The following STAG1 variants were observed in gnomAD, a reference collection of about 807,000 sequenced individuals.
The protein encoded by STAG1 is cohesin subunit SA-1.
Under a neutral mutation model 170.9 loss-of-function variants are expected in STAG1, and 26 were observed. The ratio of observed to expected loss-of-function variants is 0.15; its 90% CI spans 0.11 to 0.21. STAG1 has a LOEUF of 0.21. STAG1 is among the 10% of genes least tolerant of loss of function. STAG1 has a pLI of 1.00. For missense variants in STAG1, 964 were observed against 1,509.5 expected (o/e 0.64, Z 5.99); for synonymous variants, 514 against 497.7 (o/e 1.03, Z -0.44).
At chr3:136,455,437 G>T (rs2089081711) in intron 13 of STAG1, among the ~76,000 whole-genome samples, 1 of 152,168 alleles carries the variant, frequency 6.6e-6, no homozygotes, top group Admixed American at 6.5e-5. Flanking sequence ...CTGGTAAGAG[G>T]GAATTAGAAG....
intron 3 of STAG1, among the ~76,000 whole-genome samples, chr3:136,613,069 G>A (rs979334566): frequency 1.3e-5 from 2 of 152,042 alleles, no homozygotes; most frequent in Admixed American, 1.3e-4. Context: ...TTGGGAGGCC[G>A]AGGTGGGCGG....
intron 3 of STAG1, among the ~76,000 whole-genome samples, chr3:136,620,291 A>C (rs1483730358): frequency 4.6e-5 from 7 of 152,152 alleles, no homozygotes; most frequent in Non-Finnish European, 1.0e-4. Context: ...ATCAGTTAAA[A>C]CTTGATTTAT....
intron 1 of STAG1, among the ~76,000 whole-genome samples, chr3:136,698,228 T>A (rs1418220795): frequency 6.6e-6 from 1 of 152,000 alleles, no homozygotes; most frequent in African/African-American, 2.4e-5. Flanking sequence ...ACCTACAGAA[T>A]GGGAGAAAAT....
At chr3:136,434,718 C>T (rs192264647) in intron 15 of STAG1, among the ~76,000 whole-genome samples, 69 of 152,266 alleles carry the variant, frequency 4.5e-4, no homozygotes, top group Non-Finnish European at 1.0e-4. Context: ...GTATTGCCTT[C>T]AAAGATCTCT....
chr3:136,341,161 C>G (rs553513596), intron 31 of STAG1, among the ~76,000 whole-genome samples: 14 of 152,288 alleles, frequency 9.2e-5, no homozygotes, highest in South Asian at 8.3e-4. Context: ...CCGCCCGCCT[C>G]GGCCTCCCAA....
intron 1 of STAG1, among the ~76,000 whole-genome samples, chr3:136,644,848 G>T (rs965952341): frequency 2.0e-5 from 3 of 152,108 alleles, no homozygotes; most frequent in African/African-American, 7.2e-5. Context: ...AGCCTCCCCA[G>T]TAGCTGGGAC....
intron 3 of STAG1, among the ~76,000 whole-genome samples, chr3:136,619,021 G>A (rs556929620): frequency 8.0e-4 from 121 of 152,138 alleles, no homozygotes; most frequent in Non-Finnish European, 5.9e-5. Flanking sequence ...ATATTTACAT[G>A]TGTATATGTG....
chr3:136,405,226 A>G (rs2087443017), intron 21 of STAG1, among the ~76,000 whole-genome samples: 1 of 144,284 alleles, frequency 6.9e-6, no homozygotes, highest in African/African-American at 2.5e-5. Context: ...CACATGAAAA[A>G]ACCTCTTTTT....
At chr3:136,711,062 T>A (rs9809267) in intron 1 of STAG1, among the ~76,000 whole-genome samples, 34,016 of 149,158 alleles carry the variant, frequency 0.23, 4,233 homozygotes, top group Non-Finnish European at 0.28. Flanking sequence ...AAAAGAAAAA[T>A]ATATATATAT....
chr3:136,355,853 A>T (rs1476300259), intron 28 of STAG1, among the ~76,000 whole-genome samples: 1 of 152,230 alleles, frequency 6.6e-6, no homozygotes, highest in Admixed American at 6.5e-5. Flanking sequence ...AAATAAGTGA[A>T]ATGAGAAAAT....
Position 136,367,057 on chromosome 3 carries a change from A to G in STAG1, c.2571T>C (p.Asn857=). The change falls in exon 25 of 34, where the codon AAT becomes AAC. Residue 857 remains asparagine, a synonymous_variant. Coordinates refer to ENST00000383202, the MANE Select transcript of STAG1 (RefSeq NM_005862.3). The part of the protein sequence containing the change: ...SMEGDEEDEA[N]KIEALHKRRN... ...TTCTTTTATGTAAGGCCTCAATTTT[A>G]TTAGCTTCATCTTCTTCATCACCCT... is the stretch of plus-strand genomic sequence containing the variant. 1.2e-6 allele frequency: 2 copies of G among 1,610,666 alleles called. No individual in the cohort carries two copies. The highest frequency in any genetic ancestry group is 3.3e-5 in the Admixed American group (2 of 59,788).
intron 1 of STAG1, among the ~76,000 whole-genome samples, chr3:136,742,395 T>C (rs574425150): frequency 1.3e-5 from 2 of 152,082 alleles, no homozygotes; most frequent in African/African-American, 4.8e-5. Context: ...TAATAAGTTA[T>C]CTAGAATAAT....
At chr3:136,500,391 G>C in intron 8 of STAG1, 95 bp from the exon 9 acceptor site, 1 of 860,314 alleles carries the variant, frequency 1.2e-6, no homozygotes, top group Non-Finnish European at 1.8e-6. Context: ...TTTTCATTCT[G>C]GGTAGTTTTC....
intron 3 of STAG1, among the ~76,000 whole-genome samples, chr3:136,613,500 T>G (rs1315176276): frequency 6.6e-6 from 1 of 152,066 alleles, no homozygotes; most frequent in Non-Finnish European, 1.5e-5. Context: ...TAATAATTAT[T>G]TTTTAAGATG....
At chr3:136,675,524 A>G (rs865945110) in intron 1 of STAG1, among the ~76,000 whole-genome samples, 2 of 152,128 alleles carry the variant, frequency 1.3e-5, no homozygotes, top group Middle Eastern at 3.2e-3. Context: ...TGATAGAACC[A>G]CTGTTATCAT....
intron 22 of STAG1, among the ~76,000 whole-genome samples, chr3:136,395,524 G>C (rs2087124514): frequency 6.6e-6 from 1 of 152,156 alleles, no homozygotes; most frequent in Non-Finnish European, 1.5e-5. Flanking sequence ...TGGAGGCTGA[G>C]GCAGGAGAAT....
chr3:136,363,301 T>C (rs894230487), intron 26 of STAG1, 65 bp downstream of exon 26: 10 of 828,636 alleles, frequency 1.2e-5, no homozygotes, highest in Non-Finnish European at 1.8e-5. Context: ...CTAGCAAATA[T>C]TAAGCACAGA....
intron 4 of STAG1, among the ~76,000 whole-genome samples, chr3:136,569,773 T>C (rs1937203245): frequency 6.6e-6 from 1 of 152,000 alleles, no homozygotes; most frequent in Non-Finnish European, 1.5e-5. Flanking sequence ...AGTAGCTTGT[T>C]CACAACGAAA....
intron 23 of STAG1, among the ~76,000 whole-genome samples, chr3:136,375,427 T>C (rs1488657680): frequency 1.3e-5 from 2 of 152,140 alleles, no homozygotes; most frequent in East Asian, 1.9e-4. Context: ...AAAGTTGACT[T>C]CTATGGGAAA....
Sources: allele counts gnomAD v4.1 joint callset (sites outside exome capture counted in the v4.1 genomes callset), GRCh38; gene constraint gnomAD v4.1.1; transcripts MANE v1.5; gene names NCBI Gene and HGNC (gene_info 2026-07-23, HGNC 2026-07-21).